TDRD12: variants seen among roughly 807,000 people sequenced by gnomAD.
The protein encoded by TDRD12 is putative ATP-dependent RNA helicase TDRD12.
A neutral mutation model predicts 133.5 loss-of-function variants in TDRD12; 158 were observed. That is an observed-to-expected ratio of 1.18 (90% CI 1.04 to 1.35). TDRD12 has a LOEUF of 1.35. TDRD12 is among the 40% of genes most tolerant of loss of function. TDRD12 has a pLI of 0.00. For missense variants in TDRD12, 1,443 were observed against 1,321.3 expected, an observed-to-expected ratio of 1.09 and a Z score of -1.43; for synonymous variants, 460 against 477.9, an observed-to-expected ratio of 0.96 and a Z score of 0.49.
At chr19:32,761,140 G>A (rs987614891) in intron 8 of TDRD12, among the ~76,000 whole-genome samples, 10 of 152,074 alleles carry the variant, frequency 6.6e-5, no homozygotes, top group Non-Finnish European at 1.0e-4. Context: ...TTTTTGAGAC[G>A]GAGTCTCACT....
At chr19:32,776,959 G>A (rs1023216309) in intron 10 of TDRD12, among the ~76,000 whole-genome samples, 190 bp from the exon 11 acceptor site, 1 of 152,096 alleles carries the variant, frequency 6.6e-6, no homozygotes, top group Admixed American at 6.5e-5. Flanking sequence ...CACAATCACA[G>A]CTCACTGCAG....
At chr19:32,740,178 T>C (rs1390682116) in intron 3 of TDRD12, among the ~76,000 whole-genome samples, 1 of 131,554 alleles carries the variant, frequency 7.6e-6, no homozygotes, top group African/African-American at 3.0e-5. Flanking sequence ...ATCTCCTGGG[T>C]GCTGTCTGCA....
At chr19:32,793,213 T>G (rs1444675472) in intron 13 of TDRD12, among the ~76,000 whole-genome samples, 1 of 147,420 alleles carries the variant, frequency 6.8e-6, no homozygotes, top group Non-Finnish European at 1.5e-5. Context: ...TAATAATAAT[T>G]CTGATGAAAA....
At chr19:32,773,609 G>T in intron 10 of TDRD12, 77 bp downstream of exon 10, 10 of 1,322,472 alleles carry the variant, frequency 7.6e-6, no homozygotes, top group South Asian at 1.3e-5. Context: ...GAGCTGGGGG[G>T]ATCGCTTAAG....
Position 32,779,618 on chromosome 19 carries a change from T to C in TDRD12, c.1121+2389T>C, listed in dbSNP as rs113039875. Among the ~76,000 whole-genome samples, 213 of 152,124 alleles carry C rather than the reference T, an allele frequency of 1.4e-3. 1 individual carries two copies. Among genetic ancestry groups the C allele is most frequent in the Middle Eastern group, 3.4e-3 (1 of 294 alleles). Reference sequence around the variant, plus strand: ...GGTGTTCAAGAGAAACTGCTCTGTTTTGCTAAGGGCTTCTGGAGGTGGCAA... The same window carrying C: ...GGTGTTCAAGAGAAACTGCTCTGTTCTGCTAAGGGCTTCTGGAGGTGGCAA... On this transcript the variant is annotated intron_variant, in intron 11 of 27. Coordinates refer to ENST00000444215, the Ensembl canonical transcript of TDRD12.
chr19:32,763,375 G>A (rs1247905711), intron 8 of TDRD12, among the ~76,000 whole-genome samples: 1 of 152,124 alleles, frequency 6.6e-6, no homozygotes, highest in Non-Finnish European at 1.5e-5. Context: ...CGCTTCTCAG[G>A]TGCCCCTCAG....
intron 3 of TDRD12, among the ~76,000 whole-genome samples, chr19:32,742,329 T>C (rs946999564): frequency 1.2e-4 from 19 of 152,038 alleles, no homozygotes; most frequent in African/African-American, 4.6e-4. Context: ...CCTAATTTTT[T>C]GTAGTTTTAG....
rs780834638 is a variant in TDRD12 at position 32,801,736 on chromosome 19, C to G, written c.2080-20C>G. On this transcript the variant is annotated intron_variant, in intron 18 of 27. Transcript: ENST00000444215. ...CCTATATCCCTGACTGTGACCTGGC[C>G]TCTTTGATTTCATCTTTAGGTAGTA... is the stretch of plus-strand genomic sequence containing the variant. 1.9e-6 allele frequency: 2 copies of G among 1,032,166 alleles called. No individual in the cohort carries two copies. The highest frequency in any genetic ancestry group is 4.8e-5 in the Admixed American group (2 of 41,370). The allele number at this position is 1,032,166 out of a possible 1,614,324, so 63.9% of individuals were successfully genotyped here.
chr19:32,747,698 G>A lies in TDRD12; in HGVS notation c.441-778G>A, dbSNP rs183967968. 3.3e-5 allele frequency among the ~76,000 whole-genome samples: 5 copies of A among 152,280 alleles called. No homozygotes were observed. In the East Asian group the frequency reaches 9.6e-4, roughly 29 times the overall value. On this transcript the variant is annotated intron_variant, in intron 4 of 27. Coordinates refer to ENST00000444215, the Ensembl canonical transcript of TDRD12. Reference sequence around the variant, plus strand: ...GTGAGAGGGCGCTAGGGTCAGCAGAGTGAGGAACAGTAGTTTTATAGTAGC... The same window carrying A: ...GTGAGAGGGCGCTAGGGTCAGCAGAATGAGGAACAGTAGTTTTATAGTAGC...
chr19:32,787,264 A>G (rs1190214277), intron 11 of TDRD12, among the ~76,000 whole-genome samples: 1 of 152,088 alleles, frequency 6.6e-6, no homozygotes, highest in African/African-American at 2.4e-5. Context: ...AGAACAGCAA[A>G]TATTGCTGCC....
intron 5 of TDRD12, among the ~76,000 whole-genome samples, chr19:32,749,169 G>A (rs1969746631): frequency 6.6e-6 from 1 of 152,062 alleles, no homozygotes; most frequent in African/African-American, 2.4e-5. Flanking sequence ...CTTTGACCTG[G>A]GAGCAGTGGG....
chr19:32,755,874 A>G, intron 6 of TDRD12, 118 bp from the exon 7 acceptor site: 3 of 737,848 alleles, frequency 4.1e-6, no homozygotes, highest in East Asian at 6.7e-5. Context: ...CTCTCAGATT[A>G]TGTTCTGTAA....
chr19:32,733,784 C>A (rs1242709590), intron 2 of TDRD12, among the ~76,000 whole-genome samples: 3 of 152,246 alleles, frequency 2.0e-5, no homozygotes, highest in Admixed American at 6.5e-5. Context: ...CATTCATCAG[C>A]TGGAATTCTT....
rs904423360 is a variant in TDRD12, at chr19:32,800,744, C to T, written c.2051C>T (p.Ser684Phe). ...CAAAAGACCTTGATCTTCACCTGCT[C>T]TGTAGCTGAAACAGAAATAGTGTGT... The change falls in exon 18 of 28, where the codon TCT (serine) becomes TTT (phenylalanine). Residue 684 changes from serine (S) to phenylalanine (F), a missense_variant. Coordinates refer to ENST00000444215, the Ensembl canonical transcript of TDRD12. 1.8e-5 allele frequency: 28 copies of T among 1,535,170 alleles called. No homozygotes were observed. In the African/African-American group the frequency reaches 3.8e-4, roughly 21 times the overall value.
At chr19:32,810,365 T>G in intron 23 of TDRD12, 88 bp downstream of exon 23, 1 of 1,104,692 alleles carries the variant, frequency 9.1e-7, no homozygotes, top group Non-Finnish European at 1.3e-6. Flanking sequence ...TCTGTCCATT[T>G]GACTGAGTGT....
chr19:32,797,459 G>A (rs553373909), intron 14 of TDRD12, among the ~76,000 whole-genome samples: 19 of 152,302 alleles, frequency 1.2e-4, no homozygotes, highest in Middle Eastern at 6.8e-3. Context: ...CCTCACCTCT[G>A]AAGTGAAGCA....
chr19:32,813,663 A>C (rs915372233), intron 24 of TDRD12, 21 bp from the exon 25 acceptor site: 17 of 1,414,792 alleles, frequency 1.2e-5, no homozygotes, highest in Non-Finnish European at 1.3e-5. Flanking sequence ...CACCTAAAAT[A>C]ATGTTAAGTG....
chr19:32,828,640 T>C lies in TDRD12; in HGVS notation c.*1474T>C, dbSNP rs575641154. The C allele has an allele frequency of 3.3e-5, 5 of 152,284 alleles. No homozygotes were observed. The East Asian group carries it at 7.7e-4, about 23-fold the overall frequency. The allele number at this position is 152,284 out of a possible 1,614,324, so 9.4% of individuals were successfully genotyped here. ...ATTTTTTTGTATCAGAAAGCGCCAA[T>C]GCCCAGGCTTATGTATGTCCCAGCA... On this transcript the variant is annotated 3_prime_UTR_variant, in exon 10 of 10. Coordinates refer to the TDRD12 transcript ENST00000637289.
intron 8 of TDRD12, among the ~76,000 whole-genome samples, chr19:32,768,902 GC>G (rs1233685933): frequency 6.6e-6 from 1 of 151,926 alleles, no homozygotes; most frequent in African/African-American, 2.4e-5. Flanking sequence ...CTTATAATAA[GC>G]TTTGAGAGTT....
Sources: allele counts gnomAD v4.1 joint callset (sites outside exome capture counted in the v4.1 genomes callset), GRCh38; gene constraint gnomAD v4.1.1; transcripts MANE v1.5; gene names NCBI Gene and HGNC (gene_info 2026-07-23, HGNC 2026-07-21).